Variants in NEK8 observed in about 807,000 individuals in gnomAD.
NEK8 encodes the protein NIMA related kinase 8.
Under a neutral mutation model 77.2 loss-of-function variants are expected in NEK8, and 51 were observed. The ratio of observed to expected loss-of-function variants is 0.66; its 90% confidence interval spans 0.53 to 0.83. The LOEUF (loss-of-function observed/expected upper bound fraction) is 0.83. Ranked by LOEUF, NEK8 falls within the 40% of genes least tolerant of loss-of-function variation. NEK8 has a pLI of 0.00. For synonymous variants in NEK8, 365 were observed against 363.2 expected (o/e 1.00, Z -0.06); for missense variants, 787 against 909.2 (o/e 0.87, Z 1.73).
intron 1 of NEK8, 94 bp downstream of exon 1, chr17:28,728,954 C>T (rs2034278151): frequency 8.4e-7 from 1 of 1,192,394 alleles, no homozygotes; most frequent in South Asian, 1.3e-5. Flanking sequence ...AATCCCGCCC[C>T]AAGGCGTGAG....
chr17:28,738,468 G>T (rs1382499366), intron 8 of NEK8, among the ~76,000 whole-genome samples: 1 of 152,182 alleles, frequency 6.6e-6, no homozygotes, highest in African/African-American at 2.4e-5. Flanking sequence ...GACAAGTGGG[G>T]ACGCTAAGGC....
intron 1 of NEK8, 97 bp from the exon 2 acceptor site, chr17:28,733,886 C>A: frequency 1.0e-6 from 1 of 1,000,022 alleles, no homozygotes; most frequent in South Asian, 1.4e-5. Context: ...GTCTAGAACC[C>A]TCTTCCAAGA....
At position 28,734,144 on chromosome 17, in the gene NEK8, TC is replaced by T. The variant is rs774868062; in HGVS notation, c.211del (p.Leu71TrpfsTer7). ...AATGTCATTGAGTACTACGAGAACT[TC>T]CTGGAAGACAAAGCCCTTATGATCG... ...HPNVIEYYEN[F>X]LEDKALMIAM... On this transcript the variant is annotated frameshift_variant, in exon 2 of 15. Transcript: ENST00000268766. LOFTEE classifies it high-confidence loss of function. 33 of 1,614,070 alleles carry T rather than the reference TC, an allele frequency of 2.0e-5. No individual in the cohort carries two copies. In the South Asian group the frequency reaches 3.3e-4, roughly 16 times the overall value.
In NEK8 at chr17:28,737,864, C is replaced by CGTCAGT; in HGVS notation, c.938_943dup (p.Ser313_Val314dup). ...AGGCCAGCCATCCCACCACCACTGT[C>CGTCAGT]GTCAGTGTATGCCTGGGGTGGTGGG... On this transcript the variant is annotated inframe_insertion, in exon 7 of 15. Transcript: ENST00000268766. This position sits in a 1 kb window ranked among gnomAD's most constrained non-coding sequence, Gnocchi z 4.8. 1 of 1,613,968 alleles carries CGTCAGT rather than the reference C, an allele frequency of 6.2e-7. No homozygotes were observed. Among genetic ancestry groups the CGTCAGT allele is most frequent in the Non-Finnish European group, 8.5e-7 (1 of 1,180,030 alleles).
chr17:28,729,287 G>A (rs946670177), intron 1 of NEK8, among the ~76,000 whole-genome samples: 2 of 152,224 alleles, frequency 1.3e-5, no homozygotes, highest in African/African-American at 4.8e-5. Context: ...TGAGGATAGA[G>A]TACATTACCA....
Position 28,741,009 on chromosome 17 carries a change from G to A in NEK8, c.1732+24G>A, listed in dbSNP as rs2034415565. On this transcript the variant is annotated intron_variant, in intron 12 of 14. Coordinates refer to ENST00000268766, the MANE Select transcript of NEK8 (RefSeq NM_178170.3). This position sits in a 1 kb window ranked among gnomAD's most constrained non-coding sequence, Gnocchi z 4.5. The stretch of plus-strand genomic sequence containing the variant: ...TGGTGAGGAGGACTTGGGCTCTGGA[G>A]GTCAGAGGGGGACTCACGGTCTCCT... 6.2e-7 allele frequency: 1 copy of A among 1,614,210 alleles called. No individual in the cohort carries two copies. The highest frequency in any genetic ancestry group is 8.5e-7 in the Non-Finnish European group (1 of 1,180,028).
rs370572585 is a variant in NEK8, at chr17:28,736,994, G to C, written c.619-312G>C. 2.1e-3 allele frequency among the ~76,000 whole-genome samples: 320 copies of C among 152,322 alleles called. 2 individuals are homozygous for C. Among genetic ancestry groups the C allele is most frequent in the African/African-American group, 6.9e-3 (287 of 41,570 alleles). ...AGTTTCAGCTTTCTACATATGGCTAGCCAGTTTTCCCAGCACCATTTATTA... is the reference window on the plus strand; with the variant it reads ...AGTTTCAGCTTTCTACATATGGCTACCCAGTTTTCCCAGCACCATTTATTA... On this transcript the variant is annotated intron_variant, in intron 4 of 14. Coordinates refer to ENST00000268766, the MANE Select transcript of NEK8 (RefSeq NM_178170.3).
intron 1 of NEK8, among the ~76,000 whole-genome samples, chr17:28,732,421 A>T (rs1212218760): frequency 6.6e-6 from 1 of 152,032 alleles, no homozygotes; most frequent in Non-Finnish European, 1.5e-5. Flanking sequence ...TATGATGACT[A>T]TAGGGCAAGG....
In NEK8 at chr17:28,742,319, C is replaced by T. The variant is rs1377114451; in HGVS notation, c.*332C>T. On this transcript the variant is annotated 3_prime_UTR_variant, in exon 15 of 15. Coordinates refer to ENST00000268766, the MANE Select transcript of NEK8 (RefSeq NM_178170.3). ...CATAAAAAGGCTGAAGGCAGCCGGG[C>T]GCAGTGGCTCACGCCTGTAATCCCA... 1.1e-5 allele frequency: 5 copies of T among 446,458 alleles called. No homozygotes were observed. The highest frequency in any genetic ancestry group is 6.3e-5 in the South Asian group (3 of 47,734). 27.7% of individuals were successfully genotyped at this position (446,458 alleles called of 1,614,324 possible). A position where few individuals can be genotyped will look rare whatever the true frequency, so the allele number is the denominator to read the frequency against.
Position 28,741,623 on chromosome 17 carries a change from A to C in NEK8, c.2050+52A>C, listed in dbSNP as rs1169688914. ...CACACAGCCCAGCTGGCCCCTGTCC[A>C]CACTCCCATCCCCAGTGTTCACAGA... On this transcript the variant is annotated intron_variant, in intron 14 of 14. Coordinates refer to ENST00000268766, the MANE Select transcript of NEK8 (RefSeq NM_178170.3). This position sits in a 1 kb window ranked among gnomAD's most constrained non-coding sequence, Gnocchi z 4.5. The C allele has an allele frequency of 6.3e-7, 1 of 1,584,062 alleles. No individual in the cohort carries two copies. The highest frequency in any genetic ancestry group is 8.7e-7 in the Non-Finnish European group (1 of 1,153,996).
In NEK8 at chr17:28,734,884, C is replaced by T; in HGVS notation, c.366C>T (p.His122=). ...TTGCACTGCATCATGTGCACACCCA[C>T]CTCATCCTGCACCGAGACCTCAAGA... ...ILLALHHVHT[H]LILHRDLKTQ... Residue 122 remains histidine, a synonymous_variant, in exon 3 of 15, where the codon CAC becomes CAT. Transcript: ENST00000268766. 1 of 1,613,746 alleles carries T rather than the reference C, an allele frequency of 6.2e-7. No homozygotes were observed. Among genetic ancestry groups the T allele is most frequent in the Non-Finnish European group, 8.5e-7 (1 of 1,179,884 alleles).
Position 28,740,568 on chromosome 17 carries a change from T to A in NEK8, c.1523T>A (p.Met508Lys), listed in dbSNP as rs753200646. 3.7e-6 allele frequency: 6 copies of A among 1,614,070 alleles called. No individual in the cohort carries two copies. The Admixed American group carries it at 8.3e-5, about 22-fold the overall frequency. ...GTTGTATGTGGTATCGATTCCTCCATGATCCTCACTGTGCCTGGCCAAGCC... is the reference window on the plus strand; with the variant it reads ...GTTGTATGTGGTATCGATTCCTCCAAGATCCTCACTGTGCCTGGCCAAGCC... ...QRVVCGIDSS[M>K]ILTVPGQALA... The change falls in exon 11 of 15, where the codon ATG (methionine) becomes AAG (lysine). Residue 508 changes from methionine (M) to lysine (K), a missense_variant. This residue lies in a region of NEK8 where 516 missense variants were observed against 544.0 expected (regional missense o/e 0.95). Coordinates refer to ENST00000268766, the MANE Select transcript of NEK8 (RefSeq NM_178170.3). The surrounding 1 kb of genome is among the most constrained non-coding windows in gnomAD (Gnocchi z 4.7).
rs1190886864 is a variant in NEK8, at chr17:28,741,053, C to A, written c.1733-25C>A. On this transcript the variant is annotated intron_variant, in intron 12 of 14. Transcript: ENST00000268766. This position sits in a 1 kb window ranked among gnomAD's most constrained non-coding sequence, Gnocchi z 4.5. ...GTCTCCTTGGTACCCTGTTGAAGCA[C>A]CCCTTTCCTTCCTCTCCCCCATAGC... The A allele has an allele frequency of 8.1e-6, 13 of 1,614,056 alleles. No individual in the cohort carries two copies. The Admixed American group carries it at 1.7e-4, about 21-fold the overall frequency.
At position 28,735,300 on chromosome 17, in the gene NEK8, A is replaced by G; in HGVS notation, c.547A>G (p.Lys183Glu). 6.2e-7 allele frequency: 1 copy of G among 1,614,112 alleles called. No individual in the cohort carries two copies. The highest frequency in any genetic ancestry group is 8.5e-7 in the Non-Finnish European group (1 of 1,179,986). Residue 183 changes from lysine to glutamate, a missense_variant, in exon 4 of 15, where the codon AAG becomes GAG. Lys to Glu is a moderately conservative substitution (Grantham distance 56). Around this residue, in one of 2 missense-constraint regions of NEK8, gnomAD observed 271 missense variants for 365.1 expected, o/e 0.74. Transcript: ENST00000268766. Reference sequence around the variant, plus strand: ...GTGTGAGGGCAAGCCCTACAACCAGAAGAGTGACATCTGGGCCCTGGGCTG... The same window carrying G: ...GTGTGAGGGCAAGCCCTACAACCAGGAGAGTGACATCTGGGCCCTGGGCTG... ...ELCEGKPYNQ[K>E]SDIWALGCVL...
chr17:28,735,069 C>G, intron 3 of NEK8, 65 bp downstream of exon 3: 1 of 1,502,376 alleles, frequency 6.7e-7, no homozygotes, highest in East Asian at 2.3e-5. Flanking sequence ...CTAACCCTGC[C>G]TCCTCCCCTC....
At chr17:28,734,720 G>A (rs2034345249) in intron 2 of NEK8, 52 bp from the exon 3 acceptor site, 1 of 1,267,400 alleles carries the variant, frequency 7.9e-7, no homozygotes, top group Admixed American at 1.7e-5. Context: ...ATGGAGAGGG[G>A]TTGTCGTAGG....
At chr17:28,731,679 T>C (rs1007056755) in intron 1 of NEK8, among the ~76,000 whole-genome samples, 3 of 150,958 alleles carry the variant, frequency 2.0e-5, no homozygotes, top group Non-Finnish European at 4.4e-5. Flanking sequence ...TCTCGGCTCA[T>C]TGCAAGCTCC....
rs71135844 is a variant in NEK8 at position 28,731,908 on chromosome 17, ATTTTTTTTTTTTTTTTT to A, written c.48-2051_48-2035del. Among the ~76,000 whole-genome samples the A allele has an allele frequency of 1.1e-3, 57 of 52,524 alleles. 1 individual carries two copies. The highest frequency in any genetic ancestry group is 1.4e-3 in the Non-Finnish European group (39 of 28,588). The allele number at this position is 52,524 out of a possible 152,430, so 34.5% of individuals were successfully genotyped here. A position where few individuals can be genotyped will look rare whatever the true frequency, so the allele number is the denominator to read the frequency against. On this transcript the variant is annotated intron_variant, in intron 1 of 14. Transcript: ENST00000268766. ...GCGTGAGCCACCGCGCCTGGCCCCA[ATTTTTTTTTTTTTTTTT>A]TTTTTTTTTTTTTTTTTTTTTTTGA...
Position 28,740,314 on chromosome 17 carries a change from G to C in NEK8, c.1418-149G>C. 2.9e-6 allele frequency: 2 copies of C among 682,700 alleles called. No individual in the cohort carries two copies. The highest frequency in any genetic ancestry group is 5.2e-6 in the Non-Finnish European group (2 of 382,152). The allele number at this position is 682,700 out of a possible 1,614,324, so 42.3% of individuals were successfully genotyped here. A position where few individuals can be genotyped will look rare whatever the true frequency, so the allele number is the denominator to read the frequency against. ...ATAAAAATAAAAAATAAAGAAGGAG[G>C]ATTTTAACCAGCAGAGGGGCCTAGG... On this transcript the variant is annotated intron_variant, in intron 10 of 14. Coordinates refer to ENST00000268766, the MANE Select transcript of NEK8 (RefSeq NM_178170.3). The surrounding 1 kb of genome is among the most constrained non-coding windows in gnomAD (Gnocchi z 4.7).
Sources: allele counts gnomAD v4.1 joint callset (sites outside exome capture counted in the v4.1 genomes callset), GRCh38; gene constraint gnomAD v4.1.1; regional missense constraint gnomAD v4.1.1; non-coding constraint Gnocchi (gnomAD v3.1); transcripts MANE v1.5; gene names NCBI Gene and HGNC (gene_info 2026-07-23, HGNC 2026-07-21).